The following MBOAT1 variants were observed in gnomAD, a reference collection of about 807,000 sequenced individuals.
MBOAT1 encodes membrane-bound glycerophospholipid O-acyltransferase 1.
A neutral mutation model predicts 64.4 loss-of-function variants in MBOAT1; 67 were observed. That is an observed-to-expected ratio of 1.04 (90% CI 0.85 to 1.27). The LOEUF (loss-of-function observed/expected upper bound fraction) is 1.27. MBOAT1 is among the 50% of genes most tolerant of loss of function. The pLI is 0.00. For synonymous variants in MBOAT1, 229 were observed against 218.9 expected, an observed-to-expected ratio of 1.05 and a Z score of -0.41; for missense variants, 563 against 604.6, an observed-to-expected ratio of 0.93 and a Z score of 0.72.
intron 3 of MBOAT1, among the ~76,000 whole-genome samples, chr6:20,148,246 G>A (rs1341754192): frequency 1.3e-5 from 2 of 152,152 alleles, no homozygotes; most frequent in Non-Finnish European, 2.9e-5. Flanking sequence ...GTGAAACCCT[G>A]TCTCTACTAA....
chr6:20,211,820 T>C (rs1041474034), intron 1 of MBOAT1, among the ~76,000 whole-genome samples: 2 of 152,170 alleles, frequency 1.3e-5, no homozygotes, highest in African/African-American at 4.8e-5. Flanking sequence ...TGGTTTCATG[T>C]ATCAGACTAC....
intron 4 of MBOAT1, among the ~76,000 whole-genome samples, chr6:20,135,476 T>C (rs541688063): frequency 1.4e-4 from 22 of 152,240 alleles, no homozygotes; most frequent in African/African-American, 5.3e-4. Context: ...CAAAAATAAT[T>C]TATCTTTAAA....
At chr6:20,151,363 A>C (rs1761488819) in intron 2 of MBOAT1, 101 bp from the exon 3 acceptor site, 2 of 738,602 alleles carry the variant, frequency 2.7e-6, no homozygotes, top group South Asian at 1.7e-5. Flanking sequence ...CCTGCCAAAA[A>C]CACAAATGAT....
At chr6:20,149,734 A>G (rs1761434150) in intron 3 of MBOAT1, among the ~76,000 whole-genome samples, 2 of 152,170 alleles carry the variant, frequency 1.3e-5, no homozygotes, top group Admixed American at 1.3e-4. Context: ...TAAAAGCAGA[A>G]AAAAATATTT....
intron 1 of MBOAT1, among the ~76,000 whole-genome samples, chr6:20,154,916 A>G (rs1761632301): frequency 6.6e-6 from 1 of 152,214 alleles, no homozygotes; most frequent in South Asian, 2.1e-4. Context: ...GTGACACTGA[A>G]GATCTATAAA....
intron 1 of MBOAT1, among the ~76,000 whole-genome samples, chr6:20,192,084 A>G (rs530971193): frequency 6.6e-6 from 1 of 152,286 alleles, no homozygotes; most frequent in Non-Finnish European, 1.5e-5. Flanking sequence ...CAAGTGACTA[A>G]GAATACACCC....
intron 1 of MBOAT1, among the ~76,000 whole-genome samples, chr6:20,187,279 A>G (rs1466515659): frequency 6.6e-6 from 1 of 152,258 alleles, no homozygotes; most frequent in Non-Finnish European, 1.5e-5. Flanking sequence ...TGCCTTGGGC[A>G]AGGAATCTAA....
In MBOAT1 at chr6:20,112,928, C is replaced by G. The variant is rs937217669; in HGVS notation, c.1157G>C (p.Gly386Ala). ...TCCAGTTAAGAAGGTAAAATAGTAT[C>G]CAGGGTAGACACCATGCCACAAAGC... Reference protein sequence around the residue: ...LSALWHGVYPGYYFTFLTGIL... With the variant: ...LSALWHGVYPAYYFTFLTGIL... Residue 386 changes from glycine (G) to alanine (A), a missense_variant, in exon 11 of 13, where the codon GGA becomes GCA. Transcript: ENST00000324607. 8 of 1,613,948 alleles carry G rather than the reference C, an allele frequency of 5.0e-6. No individual in the cohort carries two copies.
rs763373951 is a variant in MBOAT1, at chr6:20,113,028, C to A, written c.1077-20G>T. On this transcript the variant is annotated intron_variant, in intron 10 of 12. Coordinates refer to ENST00000324607, the MANE Select transcript of MBOAT1 (RefSeq NM_001080480.3). ...CACACACTGTGAAGAGAGGAAGGAA[C>A]AAGACACAGGTGAAACATACCAGAA... is the stretch of plus-strand genomic sequence containing the variant. 1 of 1,609,136 alleles carries A rather than the reference C, an allele frequency of 6.2e-7. No homozygotes were observed. The highest frequency in any genetic ancestry group is 8.5e-7 in the Non-Finnish European group (1 of 1,178,190).
chr6:20,170,917 T>C (rs1184541870), intron 1 of MBOAT1, among the ~76,000 whole-genome samples: 6 of 152,094 alleles, frequency 3.9e-5, no homozygotes, highest in East Asian at 1.9e-4. Context: ...AATGAATGAA[T>C]GAATGAATGA....
chr6:20,118,564 T>G (rs905538316), intron 8 of MBOAT1, 24 bp from the exon 9 acceptor site: 2 of 1,579,404 alleles, frequency 1.3e-6, no homozygotes, highest in Non-Finnish European at 1.7e-6. Flanking sequence ...AGTAACACAT[T>G]AGGATATGGA....
chr6:20,112,941 C>A lies in MBOAT1; in HGVS notation c.1144G>T (p.Gly382Cys). 6.2e-7 allele frequency: 1 copy of A among 1,614,136 alleles called. No individual in the cohort carries two copies. The highest frequency in any genetic ancestry group is 8.5e-7 in the Non-Finnish European group (1 of 1,180,006). Residue 382 changes from glycine (G) to cysteine (C), a missense_variant, in exon 11 of 13, where the codon GGT (glycine) becomes TGT (cysteine). By Grantham distance (159) the Gly-to-Cys change is radical. Coordinates refer to ENST00000324607, the MANE Select transcript of MBOAT1 (RefSeq NM_001080480.3). The part of the protein sequence containing the change: ...LTFILSALWH[G>C]VYPGYYFTFL... ...GTAAAATAGTATCCAGGGTAGACAC[C>A]ATGCCACAAAGCAGACAGGATGAAG...
Position 20,109,624 on chromosome 6 carries a change from T to G in MBOAT1, c.1335A>C (p.Ala445=), listed in dbSNP as rs1167168901. The G allele has an allele frequency of 6.2e-7, 1 of 1,613,594 alleles. No homozygotes were observed. The highest frequency in any genetic ancestry group is 8.5e-7 in the Non-Finnish European group (1 of 1,179,722). Residue 445 remains alanine (A), a synonymous_variant, in exon 12 of 13, where the codon GCA becomes GCC. Coordinates refer to ENST00000324607, the MANE Select transcript of MBOAT1 (RefSeq NM_001080480.3). Reference sequence around the variant, plus strand: ...TGTATAAGCTGATGGTCGGTTCAACTGCCAACATCACAAAGGGTGCTACCG... The same window carrying G: ...TGTATAAGCTGATGGTCGGTTCAACGGCCAACATCACAAAGGGTGCTACCG... ...SYTVAPFVML[A]VEPTISLYKS...
intron 9 of MBOAT1, among the ~76,000 whole-genome samples, chr6:20,116,878 C>T (rs1051691776): frequency 6.6e-6 from 1 of 152,160 alleles, no homozygotes; most frequent in African/African-American, 2.4e-5. Context: ...GGGGACCACC[C>T]TAAAGGACGT....
chr6:20,111,337 G>A (rs1270524831), intron 11 of MBOAT1, among the ~76,000 whole-genome samples: 1 of 152,056 alleles, frequency 6.6e-6, no homozygotes, highest in Non-Finnish European at 1.5e-5. Context: ...CAGAGACCGG[G>A]GTCCACCCAT....
At position 20,101,785 on chromosome 6, in the gene MBOAT1, T is replaced by C. The variant is rs2113617838; in HGVS notation, c.*501A>G. Among the ~76,000 whole-genome samples the C allele has an allele frequency of 6.6e-6, 1 of 152,210 alleles. No individual in the cohort carries two copies. Among genetic ancestry groups the C allele is most frequent in the Non-Finnish European group, 1.5e-5 (1 of 68,004 alleles). ...CTATAAAATATCAAAACCAATAACCTGGACATGGCCGATTAATCTGTACAA... is the reference window on the plus strand; with the variant it reads ...CTATAAAATATCAAAACCAATAACCCGGACATGGCCGATTAATCTGTACAA... On this transcript the variant is annotated 3_prime_UTR_variant, in exon 13 of 13. Coordinates refer to ENST00000324607, the MANE Select transcript of MBOAT1 (RefSeq NM_001080480.3).
intron 4 of MBOAT1, among the ~76,000 whole-genome samples, chr6:20,132,043 C>T (rs111864001): frequency 0.062 from 9,292 of 150,800 alleles, 397 homozygotes; most frequent in South Asian, 0.14. Flanking sequence ...CCATCGCGCC[C>T]GGCTAATTTT....
Position 20,118,348 on chromosome 6 carries a change from C to CATGGATG in MBOAT1, c.1011+82_1011+88dup, listed in dbSNP as rs1254298291. 2.9e-6 allele frequency: 3 copies of CATGGATG among 1,030,946 alleles called. No individual in the cohort carries two copies. In the African/African-American group the frequency reaches 4.7e-5, roughly 16 times the overall value. 63.9% of individuals were successfully genotyped at this position (1,030,946 alleles called of 1,614,324 possible). ...CCTGAGAGCAGCTTTTCTTTGGACA[C>CATGGATG]ATGGATGAAGCATTCTGGGGATACA... On this transcript the variant is annotated intron_variant, in intron 9 of 12. Transcript: ENST00000324607.
chr6:20,136,057 A>AGAG (rs1354488057), intron 4 of MBOAT1, among the ~76,000 whole-genome samples: 1 of 152,074 alleles, frequency 6.6e-6, no homozygotes, highest in Non-Finnish European at 1.5e-5. Flanking sequence ...GAATGACTGC[A>AGAG]GAGGAGGAGG....
Sources: gnomAD v4.1 joint callset for allele counts (sites outside exome capture counted in the v4.1 genomes callset) on GRCh38, gnomAD v4.1.1 for gene constraint, MANE v1.5 for transcripts, NCBI Gene and HGNC (gene_info 2026-07-23, HGNC 2026-07-21) for gene names.